Variants in PAX2 observed in about 807,000 individuals in gnomAD.
PAX2 encodes the protein paired box 2, also known as paired box protein Pax-2.
A neutral mutation model predicts 41.7 loss-of-function variants in PAX2; 9 were observed. That is an observed-to-expected ratio of 0.22 (90% confidence interval 0.13 to 0.38). PAX2 has a LOEUF of 0.38. Ranked by LOEUF, PAX2 falls within the 10% of genes least tolerant of loss-of-function variation. PAX2 has a pLI of 1.00. For missense variants in PAX2, 418 were observed against 531.6 expected (o/e 0.79, Z 2.10); for synonymous variants, 221 against 212.7 (o/e 1.04, Z -0.34).
chr10:100,828,826 A>G lies in PAX2; in HGVS notation c.*1207A>G. 5.8e-6 allele frequency: 1 copy of G among 173,182 alleles called. No homozygotes were observed. The highest frequency in any genetic ancestry group is 1.3e-5 in the Non-Finnish European group (1 of 74,932). The allele number at this position is 173,182 out of a possible 1,614,324, so 10.7% of individuals were successfully genotyped here. On this transcript the variant is annotated 3_prime_UTR_variant, in exon 10 of 10. Transcript: ENST00000355243. This position sits in a 1 kb window ranked among gnomAD's most constrained non-coding sequence, Gnocchi z 6.5. ...TATGATGGTCTTTGCAAAAAGGAACAAAACAACACAAAAGCCCACCAGGCT... is the reference window on the plus strand; with the variant it reads ...TATGATGGTCTTTGCAAAAAGGAACGAAACAACACAAAAGCCCACCAGGCT...
At chr10:100,823,274 C>G (rs1034399365) in intron 7 of PAX2, among the ~76,000 whole-genome samples, 17 of 152,070 alleles carry the variant, frequency 1.1e-4, no homozygotes, top group Non-Finnish European at 4.4e-5. Flanking sequence ...TTTGAGGTAA[C>G]AGAGGGACAG....
intron 3 of PAX2, among the ~76,000 whole-genome samples, chr10:100,760,252 G>A (rs1251457962): frequency 6.6e-6 from 1 of 152,210 alleles, no homozygotes; most frequent in African/African-American, 2.4e-5. Context: ...CAAACTGGGA[G>A]TTGGTGGTTT....
intron 5 of PAX2, among the ~76,000 whole-genome samples, chr10:100,803,880 G>C (rs190824893): frequency 1.3e-5 from 2 of 151,966 alleles, no homozygotes; most frequent in East Asian, 3.9e-4. Context: ...CAGGGCCTGA[G>C]TATACAAAAA....
intron 5 of PAX2, among the ~76,000 whole-genome samples, chr10:100,802,436 G>T (rs976821890): frequency 1.3e-5 from 2 of 152,222 alleles, no homozygotes; most frequent in African/African-American, 4.8e-5. Flanking sequence ...TGGGCAGGAT[G>T]GTGTTGCTGA....
chr10:100,749,801 A>T lies in PAX2; in HGVS notation c.99A>T (p.Leu33=). 1 of 1,611,632 alleles carries T rather than the reference A, an allele frequency of 6.2e-7. No homozygotes were observed. The highest frequency in any genetic ancestry group is 8.5e-7 in the Non-Finnish European group (1 of 1,178,774). The part of the protein sequence containing the change: ...LGGVFVNGRP[L]PDVVRQRIVE... The stretch of plus-strand genomic sequence containing the variant: ...GGGTGTTTGTGAACGGCCGGCCCCT[A>T]CCCGACGTGGTGAGGCAGCGCATCG... Residue 33 remains leucine, a synonymous_variant, in exon 2 of 10, where the codon CTA becomes CTT. Transcript: ENST00000355243.
At chr10:100,784,056 G>A (rs1846750739) in intron 5 of PAX2, among the ~76,000 whole-genome samples, 1 of 152,184 alleles carries the variant, frequency 6.6e-6, no homozygotes, top group Non-Finnish European at 1.5e-5. Context: ...GAAGGGAGAG[G>A]AGAGAGCAAA....
intron 3 of PAX2, among the ~76,000 whole-genome samples, chr10:100,763,656 T>C (rs1361924566): frequency 1.3e-5 from 2 of 152,256 alleles, no homozygotes; most frequent in African/African-American, 4.8e-5. Context: ...GAGTCCATTT[T>C]GCCATTTTAA....
At chr10:100,764,355 G>A (rs1845946501) in intron 3 of PAX2, among the ~76,000 whole-genome samples, 1 of 152,044 alleles carries the variant, frequency 6.6e-6, no homozygotes, top group Admixed American at 6.6e-5. Flanking sequence ...TGTTAGCCAG[G>A]ATGGTCTCGA....
At chr10:100,741,606 G>A (rs1437478835), upstream of PAX2, among the ~76,000 whole-genome samples, 2 of 152,144 alleles carry the variant, frequency 1.3e-5, no homozygotes, top group Non-Finnish European at 2.9e-5. Flanking sequence ...GGGTGCGCCG[G>A]GACCCAGAGG....
chr10:100,781,191 G>T, intron 4 of PAX2, 55 bp from the exon 5 acceptor site: 1 of 1,604,754 alleles, frequency 6.2e-7, no homozygotes, highest in Non-Finnish European at 8.5e-7. Context: ...TTTGGCCTAC[G>T]ATCACAACTG....
chr10:100,818,371 A>G (rs1431321220), intron 7 of PAX2, among the ~76,000 whole-genome samples: 2 of 152,164 alleles, frequency 1.3e-5, no homozygotes, highest in Non-Finnish European at 2.9e-5. Context: ...CCTTGACTTG[A>G]GATGCAACTC....
intron 7 of PAX2, among the ~76,000 whole-genome samples, chr10:100,822,854 G>A (rs1848417195): frequency 6.6e-6 from 1 of 152,182 alleles, no homozygotes. Context: ...TACCTTAGCA[G>A]CTTTAAAAGC....
At chr10:100,783,963 T>G (rs1846746277) in intron 5 of PAX2, among the ~76,000 whole-genome samples, 1 of 152,118 alleles carries the variant, frequency 6.6e-6, no homozygotes, top group South Asian at 2.1e-4. Flanking sequence ...GAGATGTATT[T>G]TCCCTGGTGG....
At chr10:100,771,472 C>T (rs932047755) in intron 3 of PAX2, among the ~76,000 whole-genome samples, 2 of 152,192 alleles carry the variant, frequency 1.3e-5, no homozygotes, top group Admixed American at 1.3e-4. Context: ...TAAAGGAAGC[C>T]ACGTGCAGGA....
intron 5 of PAX2, among the ~76,000 whole-genome samples, chr10:100,805,024 ACACACAC>A (rs1847721588): frequency 2.8e-4 from 1 of 3,548 alleles, no homozygotes; most frequent in Admixed American, 2.9e-3. Context: ...TCTCTCACAT[ACACACAC>A]ACACACACAC....
At chr10:100,815,482 G>C (rs1265562540) in intron 7 of PAX2, among the ~76,000 whole-genome samples, 1 of 152,172 alleles carries the variant, frequency 6.6e-6, no homozygotes, top group African/African-American at 2.4e-5. Flanking sequence ...CCTTTAGGCT[G>C]TGAGGGTCCC....
chr10:100,795,900 T>C (rs1317457536), intron 5 of PAX2, among the ~76,000 whole-genome samples: 1 of 152,254 alleles, frequency 6.6e-6, no homozygotes, highest in Admixed American at 6.5e-5. Context: ...CAAGCTAAGG[T>C]TGAGAAGTTC....
chr10:100,781,854 TCTC>T (rs1329427834), intron 5 of PAX2, among the ~76,000 whole-genome samples: 1 of 151,950 alleles, frequency 6.6e-6, no homozygotes, highest in Non-Finnish European at 1.5e-5. Context: ...GGGACCCCTC[TCTC>T]CTCTTCTTCT....
At chr10:100,821,482 C>A (rs1848379695) in intron 7 of PAX2, among the ~76,000 whole-genome samples, 1 of 152,222 alleles carries the variant, frequency 6.6e-6, no homozygotes. Flanking sequence ...CATGGCACTG[C>A]CCAACTTCAG....
Sources: allele counts gnomAD v4.1 joint callset (sites outside exome capture counted in the v4.1 genomes callset), GRCh38; gene constraint gnomAD v4.1.1; non-coding constraint Gnocchi (gnomAD v3.1); transcripts MANE v1.5; gene names NCBI Gene and HGNC (gene_info 2026-07-23, HGNC 2026-07-21).